IL32: variants seen among roughly 807,000 people sequenced by gnomAD.
IL32 encodes the protein interleukin-32.
Under a neutral mutation model 16.6 loss-of-function variants are expected in IL32, and 30 were observed. That is an observed-to-expected ratio of 1.81 (90% CI 1.35 to 2.45). The LOEUF is 2.45. Among genes scored for constraint, IL32 ranks in the 30% most tolerant of loss-of-function variants. The probability of loss-of-function intolerance (pLI) is 0.00; values close to 1 mark genes in which losing one functional copy is unlikely to be tolerated. For synonymous variants in IL32, 70 were observed against 86.1 expected (o/e 0.81, Z 1.03); for missense variants, 234 against 229.8 (o/e 1.02, Z -0.12).
rs563884988 is a variant in IL32, at chr16:3,065,776, G to A, written c.-28-8G>A. On this transcript the variant is annotated splice_region_variant and splice_polypyrimidine_tract_variant and intron_variant, in intron 1 of 6. Coordinates refer to ENST00000525643, the MANE Select transcript of IL32 (RefSeq NM_001376923.1). Reference sequence around the variant, plus strand: ...TTTCTTTTCCTCACACCTGTTCCTCGCCAGCAGGCCTTGGCTCCTTGAACT... The same window carrying A: ...TTTCTTTTCCTCACACCTGTTCCTCACCAGCAGGCCTTGGCTCCTTGAACT... 3.0e-5 allele frequency: 49 copies of A among 1,613,996 alleles called. No individual in the cohort carries two copies. The highest frequency in any genetic ancestry group is 2.4e-4 in the South Asian group (22 of 91,078).
intron 2 of IL32, 36 bp from the exon 3 acceptor site, chr16:3,067,341 A>G: frequency 8.0e-7 from 1 of 1,252,666 alleles, no homozygotes; most frequent in Non-Finnish European, 1.1e-6. Context: ...GGTTAAGGTG[A>G]CACATGGAGA....
chr16:3,066,116 A>G (rs951702901), intron 2 of IL32, among the ~76,000 whole-genome samples: 2 of 151,874 alleles, frequency 1.3e-5, no homozygotes, highest in South Asian at 2.1e-4. Context: ...GCTGGAAACG[A>G]CTCGGAGAAT....
At position 3,068,484 on chromosome 16, in the gene IL32, T is replaced by C. The variant is rs1596262489; in HGVS notation, c.201+245T>C. 5 of 523,386 alleles carry C rather than the reference T, an allele frequency of 9.6e-6. No homozygotes were observed. The East Asian group carries it at 1.7e-4, about 18-fold the overall frequency. The allele number at this position is 523,386 out of a possible 1,614,324, so 32.4% of individuals were successfully genotyped here. On this transcript the variant is annotated intron_variant, in intron 6 of 6. Transcript: ENST00000525643. ...CCACTCCAGGCTGATTTTTTTTGTGTGTGTTTTTAGTAGAGACCAGGTTTC... is the reference window on the plus strand; with the variant it reads ...CCACTCCAGGCTGATTTTTTTTGTGCGTGTTTTTAGTAGAGACCAGGTTTC...
intron 6 of IL32, chr16:3,068,572 A>G: frequency 2.5e-6 from 1 of 405,806 alleles, no homozygotes; most frequent in Non-Finnish European, 4.6e-6. Flanking sequence ...TGGCCTCCCA[A>G]AGTGCTGAGA....
At position 3,069,374 on chromosome 16, in the gene IL32, T is replaced by G. The variant is rs185335398; in HGVS notation, c.*19T>G. 3.7e-4 allele frequency: 573 copies of G among 1,566,264 alleles called. 2 individuals are homozygous for G. The African/African-American group carries it at 6.9e-3, about 19-fold the overall frequency. The stretch of plus-strand genomic sequence containing the variant: ...AAAATGAAGATACTGACACCACCTT[T>G]GCCCTCCCCGTCACCGCGCACCCAC... On this transcript the variant is annotated 3_prime_UTR_variant, in exon 7 of 7. Transcript: ENST00000525643.
rs1428246824 is a variant in IL32 at position 3,067,541 on chromosome 16, C to A, written c.55-13C>A. The A allele has an allele frequency of 1.9e-6, 3 of 1,613,928 alleles. No homozygotes were observed. ...ATCCGGCCCTTTGGTGCCAACTCTG[C>A]CTCTCTTCACAGCACCAGGCCATAG... On this transcript the variant is annotated splice_polypyrimidine_tract_variant and intron_variant, in intron 3 of 6. Coordinates refer to ENST00000525643, the MANE Select transcript of IL32 (RefSeq NM_001376923.1).
rs932945788 is a variant in IL32, at chr16:3,069,495, C to T, written c.*140C>T. 20 of 1,058,636 alleles carry T rather than the reference C, an allele frequency of 1.9e-5. 1 individual carries two copies. Among genetic ancestry groups the T allele is most frequent in the South Asian group, 1.1e-4 (7 of 63,110 alleles). The allele number at this position is 1,058,636 out of a possible 1,614,324, so 65.6% of individuals were successfully genotyped here. A position where few individuals can be genotyped will look rare whatever the true frequency, so the allele number is the denominator to read the frequency against. Reference sequence around the variant, plus strand: ...TGCCGCAGCTCTGACCTGGTGCTGTCGCCCTGGCATCTTAATAAAACCTGC... The same window carrying T: ...TGCCGCAGCTCTGACCTGGTGCTGTTGCCCTGGCATCTTAATAAAACCTGC... On this transcript the variant is annotated 3_prime_UTR_variant, in exon 7 of 7. Coordinates refer to ENST00000525643, the MANE Select transcript of IL32 (RefSeq NM_001376923.1).
chr16:3,067,551 C>A lies in IL32; in HGVS notation c.55-3C>A, dbSNP rs370139293. On this transcript the variant is annotated splice_region_variant and splice_polypyrimidine_tract_variant and intron_variant, in intron 3 of 6. Transcript: ENST00000525643. The stretch of plus-strand genomic sequence containing the variant: ...TTGGTGCCAACTCTGCCTCTCTTCA[C>A]AGCACCAGGCCATAGAAAGATTTTA... The A allele has an allele frequency of 3.7e-6, 6 of 1,613,962 alleles. No homozygotes were observed. The highest frequency in any genetic ancestry group is 3.3e-5 in the South Asian group (3 of 91,086).
intron 6 of IL32, chr16:3,068,480 T>A (rs1956688960): frequency 1.9e-6 from 1 of 527,818 alleles, no homozygotes; most frequent in East Asian, 3.4e-5. Context: ...TGATTTTTTT[T>A]GTGTGTGTTT....
Position 3,067,039 on chromosome 16 carries a change from CAGGCCCTGCTCTTG to C in IL32, c.16-337_16-324del, listed in dbSNP as rs1956408638. Among the ~76,000 whole-genome samples the C allele has an allele frequency of 2.8e-5, 2 of 71,324 alleles. 1 individual carries two copies. The highest frequency in any genetic ancestry group is 6.2e-5 in the Non-Finnish European group (2 of 32,054). The allele number at this position is 71,324 out of a possible 152,430, so 46.8% of individuals were successfully genotyped here. A position where few individuals can be genotyped will look rare whatever the true frequency, so the allele number is the denominator to read the frequency against. ...TGAGGAGGGGTCACCTAGGCCCACG[CAGGCCCTGCTCTTG>C]TGAGGAGGGGTCACCTAGGCCCACG... is the stretch of plus-strand genomic sequence containing the variant. On this transcript the variant is annotated intron_variant, in intron 2 of 6. Coordinates refer to ENST00000525643, the MANE Select transcript of IL32 (RefSeq NM_001376923.1).
chr16:3,069,484 C>G lies in IL32; in HGVS notation c.*129C>G. On this transcript the variant is annotated 3_prime_UTR_variant, in exon 7 of 7. Transcript: ENST00000525643. ...CCTGGCGTTCCTGCCGCAGCTCTGA[C>G]CTGGTGCTGTCGCCCTGGCATCTTA... 1 of 1,154,188 alleles carries G rather than the reference C, an allele frequency of 8.7e-7. No homozygotes were observed. Among genetic ancestry groups the G allele is most frequent in the South Asian group, 1.5e-5 (1 of 66,196 alleles). 71.5% of individuals were successfully genotyped at this position (1,154,188 alleles called of 1,614,324 possible).
chr16:3,065,601 C>A, upstream of IL32: 2 of 668,998 alleles, frequency 3.0e-6, no homozygotes, highest in Non-Finnish European at 2.7e-6. Context: ...CACTACCCCC[C>A]ACTTTCCCCA....
intron 5 of IL32, 23 bp from the exon 6 acceptor site, chr16:3,068,157 C>G (rs1396651299): frequency 3.1e-6 from 5 of 1,603,884 alleles, no homozygotes; most frequent in Non-Finnish European, 4.3e-6. Flanking sequence ...CAGCATGAAC[C>G]CCCTGTGCCC....
intron 1 of IL32, 33 bp from the exon 2 acceptor site, chr16:3,065,751 T>G: frequency 6.2e-7 from 1 of 1,611,460 alleles, no homozygotes; most frequent in Non-Finnish European, 8.5e-7. Flanking sequence ...TCTGAGACAC[T>G]TTCTTTTCCT....
intron 3 of IL32, 56 bp from the exon 4 acceptor site, chr16:3,067,498 G>A (rs749103415): frequency 3.1e-6 from 5 of 1,614,022 alleles, no homozygotes; most frequent in South Asian, 1.1e-5. Context: ...GGACACCTGG[G>A]ACCCTGGAGG....
chr16:3,067,291 G>GTGTGTCTC, intron 2 of IL32, 86 bp from the exon 3 acceptor site: 2 of 664,306 alleles, frequency 3.0e-6, no homozygotes, highest in East Asian at 2.7e-5. Flanking sequence ...GTGTGTGTGT[G>GTGTGTCTC]TGTGTGTGTG....
intron 3 of IL32, 34 bp downstream of exon 3, chr16:3,067,449 G>T: frequency 6.2e-7 from 1 of 1,610,822 alleles, no homozygotes; most frequent in Non-Finnish European, 8.5e-7. Flanking sequence ...TCAGGGGTTG[G>T]GGGCCTGGGT....
Position 3,065,696 on chromosome 16 carries a change from T to C in IL32, c.-29+9T>C. 8.9e-7 allele frequency: 1 copy of C among 1,123,694 alleles called. No individual in the cohort carries two copies. Among genetic ancestry groups the C allele is most frequent in the South Asian group, 1.2e-5 (1 of 80,930 alleles). The allele number at this position is 1,123,694 out of a possible 1,614,324, so 69.6% of individuals were successfully genotyped here. ...GAGCTGGGTCATCTCAGGTGGGGAG[T>C]TGGGGTCCCCGAAGGTGAGGACCCT... is the stretch of plus-strand genomic sequence containing the variant. On this transcript the variant is annotated intron_variant, in intron 1 of 6. Transcript: ENST00000525643.
At chr16:3,066,415 G>A (rs930365503) in intron 2 of IL32, among the ~76,000 whole-genome samples, 5 of 152,226 alleles carry the variant, frequency 3.3e-5, no homozygotes, top group African/African-American at 4.8e-5. Context: ...TCAGGCTAGC[G>A]GGATGGGACC....
Sources: allele counts gnomAD v4.1 joint callset (sites outside exome capture counted in the v4.1 genomes callset), GRCh38; gene constraint gnomAD v4.1.1; transcripts MANE v1.5; gene names NCBI Gene and HGNC (gene_info 2026-07-23, HGNC 2026-07-21).